Variants in GAB2 observed in about 807,000 individuals in gnomAD.
GAB2 encodes GRB2-associated-binding protein 2.
GAB2 carries 26 observed loss-of-function variants against 65.5 expected under a neutral mutation model. That is an observed-to-expected ratio of 0.40 (90% CI 0.29 to 0.55). The LOEUF is 0.55. Among genes scored for constraint, GAB2 ranks in the 20% least tolerant of loss-of-function variants. The pLI, the probability that GAB2 is intolerant of heterozygous loss-of-function variation, is 0.53. For missense variants in GAB2, 884 were observed against 875.8 expected (o/e 1.01, Z -0.12); for synonymous variants, 321 against 329.6 (o/e 0.97, Z 0.28).
chr11:78,228,802 T>C (rs778349967), intron 3 of GAB2, among the ~76,000 whole-genome samples: 2 of 145,922 alleles, frequency 1.4e-5, no homozygotes, highest in Non-Finnish European at 3.0e-5. Context: ...ATCTAGGCTT[T>C]AGATAATGTA....
At chr11:78,244,663 TAAAAAAAA>T (rs36056237) in intron 3 of GAB2, among the ~76,000 whole-genome samples, 2 of 74,772 alleles carry the variant, frequency 2.7e-5, no homozygotes, top group Non-Finnish European at 4.7e-5. Context: ...ACATTCATAG[TAAAAAAAA>T]AAAAAAAAAA....
chr11:78,372,603 G>A (rs1432155402), intron 1 of GAB2, among the ~76,000 whole-genome samples: 1 of 152,190 alleles, frequency 6.6e-6, no homozygotes, highest in Non-Finnish European at 1.5e-5. Flanking sequence ...TTAAAATAGA[G>A]AGGCATGGTA....
chr11:78,404,632 T>C (rs1479807952), intron 1 of GAB2, among the ~76,000 whole-genome samples: 1 of 152,254 alleles, frequency 6.6e-6, no homozygotes, highest in Admixed American at 6.5e-5. Context: ...TGGAGGACAT[T>C]ATGTTAAGCA....
intron 2 of GAB2, among the ~76,000 whole-genome samples, chr11:78,265,603 T>C (rs1010757453): frequency 6.6e-6 from 1 of 152,164 alleles, no homozygotes; most frequent in Non-Finnish European, 1.5e-5. Flanking sequence ...AAACAAATGG[T>C]AGATGTGTAA....
chr11:78,351,272 G>T (rs376216599), intron 1 of GAB2, among the ~76,000 whole-genome samples: 10 of 151,100 alleles, frequency 6.6e-5, no homozygotes, highest in Admixed American at 2.0e-4. Context: ...TTTTTAATAA[G>T]TGGAATTATT....
At chr11:78,222,932 C>T (rs1336319656) in intron 6 of GAB2, among the ~76,000 whole-genome samples, 1 of 152,182 alleles carries the variant, frequency 6.6e-6, no homozygotes, top group Non-Finnish European at 1.5e-5. Flanking sequence ...CGTGACTACT[C>T]CCTGCTGCTC....
intron 1 of GAB2, among the ~76,000 whole-genome samples, chr11:78,406,569 G>A (rs1022007705): frequency 6.6e-6 from 1 of 152,078 alleles, no homozygotes; most frequent in African/African-American, 2.4e-5. Context: ...GTAGAGACAG[G>A]GTTTCGCCAT....
intron 2 of GAB2, among the ~76,000 whole-genome samples, chr11:78,267,629 C>A (rs150630402): frequency 2.6e-5 from 4 of 151,820 alleles, no homozygotes; most frequent in Non-Finnish European, 5.9e-5. Context: ...GAGGTCGAGG[C>A]GGGTAGATGA....
rs538762676 is a variant in GAB2 at position 78,347,848 on chromosome 11, T to C, written c.76-66947A>G. Among the ~76,000 whole-genome samples the C allele has an allele frequency of 3.1e-4, 47 of 152,258 alleles. 2 individuals carry two copies. The Middle Eastern group carries it at 0.014, about 44-fold the overall frequency. ...TGACACAAACTGGGAGAACATACAGTTGAACCTTGAACAACATGGGGGTTA... is the reference window on the plus strand; with the variant it reads ...TGACACAAACTGGGAGAACATACAGCTGAACCTTGAACAACATGGGGGTTA... On this transcript the variant is annotated intron_variant, in intron 1 of 9. Coordinates refer to ENST00000361507, the MANE Select transcript of GAB2 (RefSeq NM_080491.3).
intron 1 of GAB2, among the ~76,000 whole-genome samples, chr11:78,356,519 A>G (rs1284953241): frequency 6.6e-6 from 1 of 152,252 alleles, no homozygotes; most frequent in Admixed American, 6.5e-5. Flanking sequence ...ATCCCAAAAG[A>G]AAGTCAAATT....
intron 1 of GAB2, among the ~76,000 whole-genome samples, chr11:78,332,703 A>T (rs1488796084): frequency 6.6e-6 from 1 of 152,240 alleles, no homozygotes; most frequent in Admixed American, 6.5e-5. Context: ...GTAATGACAA[A>T]TCATAGCTCT....
intron 1 of GAB2, among the ~76,000 whole-genome samples, chr11:78,333,694 G>A (rs1855952787): frequency 1.3e-5 from 2 of 152,158 alleles, no homozygotes; most frequent in South Asian, 4.1e-4. Flanking sequence ...TTCACCATGG[G>A]TGATCTAAAA....
chr11:78,369,771 A>C (rs917583278), intron 1 of GAB2, among the ~76,000 whole-genome samples: 3 of 152,228 alleles, frequency 2.0e-5, no homozygotes, highest in Admixed American at 1.3e-4. Flanking sequence ...AAATTACAGT[A>C]GTATACTCGG....
intron 1 of GAB2, among the ~76,000 whole-genome samples, chr11:78,324,280 T>A (rs77941920): frequency 6.6e-6 from 1 of 152,142 alleles, no homozygotes; most frequent in South Asian, 2.1e-4. Context: ...TTCGGTATCA[T>A]CCTTAAGTTT....
At chr11:78,322,203 G>A (rs944744234) in intron 1 of GAB2, among the ~76,000 whole-genome samples, 1 of 149,020 alleles carries the variant, frequency 6.7e-6, no homozygotes, top group Non-Finnish European at 1.5e-5. Context: ...TACTCAGGAG[G>A]CCGAGGCAGG....
At position 78,346,711 on chromosome 11, in the gene GAB2, A is replaced by T. The variant is rs1471220254; in HGVS notation, c.76-65810T>A. Reference sequence around the variant, plus strand: ...TATATATATATATATATATATATATATATATATATAATTTTTTTTTTTTTT... The same window carrying T: ...TATATATATATATATATATATATATTTATATATATAATTTTTTTTTTTTTT... On this transcript the variant is annotated intron_variant, in intron 1 of 9. Coordinates refer to ENST00000361507, the MANE Select transcript of GAB2 (RefSeq NM_080491.3). 6.3e-4 allele frequency among the ~76,000 whole-genome samples: 38 copies of T among 60,184 alleles called. 3 individuals carry two copies. The highest frequency in any genetic ancestry group is 2.8e-3 in the South Asian group (6 of 2,180). The allele number at this position is 60,184 out of a possible 152,430, so 39.5% of individuals were successfully genotyped here. A position where few individuals can be genotyped will look rare whatever the true frequency, so the allele number is the denominator to read the frequency against.
At chr11:78,338,483 A>T (rs1396632122) in intron 1 of GAB2, among the ~76,000 whole-genome samples, 3 of 152,214 alleles carry the variant, frequency 2.0e-5, no homozygotes, top group African/African-American at 7.2e-5. Context: ...CTTATTCTAG[A>T]CTTCTTGTAA....
intron 1 of GAB2, among the ~76,000 whole-genome samples, chr11:78,281,406 T>C (rs1200474532): frequency 6.6e-6 from 1 of 152,086 alleles, no homozygotes; most frequent in Non-Finnish European, 1.5e-5. Context: ...CCACCACGCC[T>C]GGCTAATTTT....
intron 3 of GAB2, among the ~76,000 whole-genome samples, chr11:78,228,621 A>C (rs903522201): frequency 5.9e-5 from 9 of 152,206 alleles, no homozygotes; most frequent in African/African-American, 2.2e-4. Context: ...ACAGGTGTGT[A>C]AAGCCAGGCT....
Sources: allele counts gnomAD v4.1 joint callset (sites outside exome capture counted in the v4.1 genomes callset), GRCh38; gene constraint gnomAD v4.1.1; transcripts MANE v1.5; gene names NCBI Gene and HGNC (gene_info 2026-07-23, HGNC 2026-07-21).